LAPTM4B: variants seen among roughly 807,000 people sequenced by gnomAD.
The protein encoded by LAPTM4B is lysosomal protein transmembrane 4 beta, also known as lysosomal-associated transmembrane protein 4B.
Under a neutral mutation model 28.5 loss-of-function variants are expected in LAPTM4B, and 26 were observed. That is an observed-to-expected ratio of 0.91 (90% confidence interval 0.67 to 1.27). The LOEUF (loss-of-function observed/expected upper bound fraction) is 1.27, where lower values mean the gene tolerates loss of function less well. Among genes scored for constraint, LAPTM4B ranks in the 50% most tolerant of loss-of-function variants. The pLI, the probability that LAPTM4B is intolerant of heterozygous loss-of-function variation, is 0.00. For missense variants in LAPTM4B, 288 were observed against 285.8 expected (o/e 1.01, Z -0.06); for synonymous variants, 109 against 106.4 (o/e 1.02, Z -0.15).
chr8:97,776,690 T>TCCC (rs112032063), intron 1 of LAPTM4B, among the ~76,000 whole-genome samples: 58 of 149,092 alleles, frequency 3.9e-4, no homozygotes, highest in African/African-American at 1.4e-3. Flanking sequence ...TGTGAATGGG[T>TCCC]CCCCCCCCCG....
chr8:97,782,022 C>T (rs1036684628), intron 1 of LAPTM4B, among the ~76,000 whole-genome samples: 15 of 151,500 alleles, frequency 9.9e-5, no homozygotes, highest in African/African-American at 3.6e-4. Context: ...CTCTTGTTGC[C>T]CAGGCTGGAG....
intron 1 of LAPTM4B, among the ~76,000 whole-genome samples, chr8:97,789,318 C>T (rs1047573771): frequency 9.2e-5 from 14 of 151,710 alleles, no homozygotes; most frequent in African/African-American, 3.4e-4. Flanking sequence ...AGGTGATCCG[C>T]CCACCTTGGC....
chr8:97,775,955 G>A lies in LAPTM4B; in HGVS notation c.-55G>A, dbSNP rs1816200570. Reference sequence around the variant, plus strand: ...AGCGGCGCGGCGGGCTCCAGGCGAGGCGGTCGACGCTCCTGAAAACTTGCG... The same window carrying A: ...AGCGGCGCGGCGGGCTCCAGGCGAGACGGTCGACGCTCCTGAAAACTTGCG... On this transcript the variant is annotated 5_prime_UTR_variant, in exon 1 of 7. Coordinates refer to ENST00000521545, the MANE Select transcript of LAPTM4B (RefSeq NM_018407.6). 2.0e-6 allele frequency: 3 copies of A among 1,511,972 alleles called. No homozygotes were observed. The highest frequency in any genetic ancestry group is 2.6e-6 in the Non-Finnish European group (3 of 1,139,760). The allele number at this position is 1,511,972 out of a possible 1,614,324, so 93.7% of individuals were successfully genotyped here.
intron 2 of LAPTM4B, among the ~76,000 whole-genome samples, chr8:97,809,359 T>A (rs776530771): frequency 2.0e-5 from 3 of 152,242 alleles, no homozygotes; most frequent in Non-Finnish European, 4.4e-5. Flanking sequence ...ATATTTTTTC[T>A]GGAAGAGTTC....
intron 5 of LAPTM4B, among the ~76,000 whole-genome samples, chr8:97,822,854 T>A (rs955266342): frequency 6.6e-5 from 10 of 152,100 alleles, no homozygotes; most frequent in Admixed American, 2.6e-4. Flanking sequence ...TTATTTATTT[T>A]TTTTGAGACA....
At chr8:97,830,805 G>A (rs1177812199) in intron 6 of LAPTM4B, among the ~76,000 whole-genome samples, 2 of 152,136 alleles carry the variant, frequency 1.3e-5, no homozygotes, top group Admixed American at 1.3e-4. Flanking sequence ...TGACCGTCGG[G>A]CTAGGATGTC....
chr8:97,802,389 C>T (rs1027578493), intron 1 of LAPTM4B, among the ~76,000 whole-genome samples: 1 of 152,106 alleles, frequency 6.6e-6, no homozygotes, highest in Admixed American at 6.6e-5. Context: ...AACTACCTGA[C>T]GTTGCCATGG....
In LAPTM4B at chr8:97,816,173, G is replaced by A. The variant is rs201585055; in HGVS notation, c.401G>A (p.Arg134Gln). Reference sequence around the variant, plus strand: ...CCAAACTCCATTCAGGAATACATACGGCAACTGGTACGTGGACCTCTTACT... The same window carrying A: ...CCAAACTCCATTCAGGAATACATACAGCAACTGGTACGTGGACCTCTTACT... ...IYPNSIQEYI[R>Q]QLPPNFPYRD... The change falls in exon 4 of 7, where the codon CGG becomes CAG. Residue 134 changes from arginine to glutamine, a missense_variant. By Grantham distance (43) the Arg-to-Gln change is conservative. Coordinates refer to ENST00000521545, the MANE Select transcript of LAPTM4B (RefSeq NM_018407.6). The A allele has an allele frequency of 2.5e-5, 41 of 1,611,236 alleles. No individual in the cohort carries two copies. Among genetic ancestry groups the A allele is most frequent in the African/African-American group, 8.0e-5 (6 of 74,732 alleles).
chr8:97,845,447 G>C lies in LAPTM4B; in HGVS notation c.604-5950G>C, dbSNP rs139960071. On this transcript the variant is annotated intron_variant, in intron 6 of 6. Coordinates refer to ENST00000521545, the MANE Select transcript of LAPTM4B (RefSeq NM_018407.6). The stretch of plus-strand genomic sequence containing the variant: ...CTATTAATAATGCTATTTTCCAAAG[G>C]TTTGATTCTATAAGACACTTCATCA... Among the ~76,000 whole-genome samples, 742 of 151,908 alleles carry C rather than the reference G, an allele frequency of 4.9e-3. 6 individuals carry two copies. Among genetic ancestry groups the C allele is most frequent in the African/African-American group, 0.016 (679 of 41,392 alleles).
At chr8:97,804,407 G>A (rs532151929) in intron 1 of LAPTM4B, among the ~76,000 whole-genome samples, 2 of 152,330 alleles carry the variant, frequency 1.3e-5, no homozygotes, top group South Asian at 4.1e-4. Context: ...GGTAAACTCA[G>A]ATGATCAAGT....
At chr8:97,794,871 G>C (rs897518401) in intron 1 of LAPTM4B, among the ~76,000 whole-genome samples, 1 of 152,002 alleles carries the variant, frequency 6.6e-6, no homozygotes, top group African/African-American at 2.4e-5. Context: ...CCGCCACCAT[G>C]CCCGGCTAAT....
At chr8:97,812,284 A>G (rs1242548343) in intron 2 of LAPTM4B, among the ~76,000 whole-genome samples, 1 of 130,828 alleles carries the variant, frequency 7.6e-6, no homozygotes, top group South Asian at 2.4e-4. Context: ...CAGTGCTGCT[A>G]TCTTGGCTCA....
intron 6 of LAPTM4B, among the ~76,000 whole-genome samples, chr8:97,832,527 A>T (rs187581324): frequency 4.8e-4 from 73 of 152,260 alleles, no homozygotes; most frequent in Admixed American, 4.0e-3. Flanking sequence ...GCCATTTTTT[A>T]AAATTTTCTT....
At chr8:97,822,785 A>G (rs939493414) in intron 5 of LAPTM4B, among the ~76,000 whole-genome samples, 1 of 152,114 alleles carries the variant, frequency 6.6e-6, no homozygotes, top group East Asian at 1.9e-4. Context: ...TAATCACATC[A>G]TGGAAAATCG....
At chr8:97,807,026 C>G (rs1357721237) in intron 2 of LAPTM4B, among the ~76,000 whole-genome samples, 3 of 152,266 alleles carry the variant, frequency 2.0e-5, no homozygotes, top group South Asian at 2.1e-4. Flanking sequence ...TGAGGCCTCC[C>G]CAGCCATGTG....
chr8:97,799,723 C>A (rs1031262131), intron 1 of LAPTM4B, among the ~76,000 whole-genome samples: 2 of 152,154 alleles, frequency 1.3e-5, no homozygotes, highest in Admixed American at 6.6e-5. Flanking sequence ...TCCTCAAAAC[C>A]TTTATGGCAT....
At chr8:97,818,049 G>A (rs1256045315) in intron 4 of LAPTM4B, among the ~76,000 whole-genome samples, 1 of 152,202 alleles carries the variant, frequency 6.6e-6, no homozygotes, top group Admixed American at 6.5e-5. Flanking sequence ...CTGCACTCAA[G>A]CAATCTGCCT....
intron 6 of LAPTM4B, among the ~76,000 whole-genome samples, chr8:97,840,920 C>T (rs565504613): frequency 4.6e-4 from 69 of 148,578 alleles, no homozygotes; most frequent in African/African-American, 1.7e-3. Context: ...GGGTGGCAGC[C>T]GGGCGGAGGC....
chr8:97,785,574 T>C (rs1336581744), intron 1 of LAPTM4B, among the ~76,000 whole-genome samples: 2 of 152,176 alleles, frequency 1.3e-5, no homozygotes, highest in African/African-American at 4.8e-5. Context: ...CCCCAGAATA[T>C]AGACTGACGT....
Sources: allele counts gnomAD v4.1 joint callset (sites outside exome capture counted in the v4.1 genomes callset), GRCh38; gene constraint gnomAD v4.1.1; transcripts MANE v1.5; gene names NCBI Gene and HGNC (gene_info 2026-07-23, HGNC 2026-07-21).